TSHZ2: variants seen among roughly 807,000 people sequenced by gnomAD.
TSHZ2 encodes the protein teashirt zinc finger homeobox 2.
A neutral mutation model predicts 74.4 loss-of-function variants in TSHZ2; 21 were observed. The observed-to-expected ratio is 0.28, with a 90% CI of 0.20 to 0.41. TSHZ2 has a LOEUF of 0.41. TSHZ2 is among the 10% of genes least tolerant of loss of function. The pLI, the probability that TSHZ2 is intolerant of heterozygous loss-of-function variation, is 1.00. For missense variants in TSHZ2, 1,244 were observed against 1,293.5 expected (o/e 0.96, Z 0.59); for synonymous variants, 540 against 515.3 (o/e 1.05, Z -0.65).
chr20:53,166,388 T>G (rs1988063815), intron 1 of TSHZ2, among the ~76,000 whole-genome samples: 1 of 151,924 alleles, frequency 6.6e-6, no homozygotes, highest in South Asian at 2.1e-4. Context: ...AAGGCTGAGG[T>G]GGGAGGATTT....
intron 2 of TSHZ2, among the ~76,000 whole-genome samples, chr20:53,355,787 C>T (rs1980823288): frequency 7.0e-6 from 1 of 143,022 alleles, no homozygotes; most frequent in Non-Finnish European, 1.6e-5. Context: ...GTTAACAAAA[C>T]AAAAAGAAGG....
At chr20:53,355,828 T>C (rs114948159) in intron 2 of TSHZ2, among the ~76,000 whole-genome samples, 2,055 of 152,310 alleles carry the variant, frequency 0.013, 67 homozygotes, top group African/African-American at 0.047. Flanking sequence ...AAGAAAGGAT[T>C]TCCTAAGGAG....
rs16997948 is a variant in TSHZ2 at position 53,328,586 on chromosome 20, T to C, written c.*8+72015T>C. ...ATAATTGATTATTCAACATACAGAA[T>C]CAGTAGCAAAGCATTTTCTTGTCTA... On this transcript the variant is annotated intron_variant, in intron 2 of 2. Transcript: ENST00000371497. Among the ~76,000 whole-genome samples, 1,039 of 152,308 alleles carry C rather than the reference T, an allele frequency of 6.8e-3. 10 individuals carry two copies. The highest frequency in any genetic ancestry group is 0.024 in the African/African-American group (1,013 of 41,560).
chr20:53,366,551 G>A (rs115975369), intron 2 of TSHZ2, among the ~76,000 whole-genome samples: 2,394 of 152,236 alleles, frequency 0.016, 65 homozygotes, highest in African/African-American at 0.05. Flanking sequence ...GTGGAAAGCG[G>A]GTCAACCTCT....
At chr20:53,446,353 G>A (rs546251912) in intron 2 of TSHZ2, among the ~76,000 whole-genome samples, 1 of 150,638 alleles carries the variant, frequency 6.6e-6, no homozygotes, top group African/African-American at 2.4e-5. Context: ...CAAGAGGTCA[G>A]GAGATTGAGA....
intron 2 of TSHZ2, among the ~76,000 whole-genome samples, chr20:53,259,376 G>A (rs911998077): frequency 1.3e-5 from 2 of 152,076 alleles, no homozygotes; most frequent in Non-Finnish European, 2.9e-5. Context: ...GCAACTTTTC[G>A]TTAAAAATTT....
chr20:53,135,584 G>GT (rs1987226154), intron 1 of TSHZ2, among the ~76,000 whole-genome samples: 1 of 151,990 alleles, frequency 6.6e-6, no homozygotes, highest in Admixed American at 6.6e-5. Flanking sequence ...AAGTATGTTT[G>GT]TTTATTTTTA....
intron 1 of TSHZ2, among the ~76,000 whole-genome samples, chr20:53,042,364 C>T (rs950907281): frequency 6.6e-6 from 1 of 152,134 alleles, no homozygotes; most frequent in African/African-American, 2.4e-5. Flanking sequence ...TTTTTCTGAA[C>T]CTCCTACTCC....
intron 1 of TSHZ2, among the ~76,000 whole-genome samples, chr20:53,121,159 C>A (rs1671130257): frequency 6.6e-6 from 1 of 152,086 alleles, no homozygotes; most frequent in South Asian, 2.1e-4. Context: ...GTATTGTTTA[C>A]AGGTAGTTCT....
At chr20:53,303,693 A>C (rs576461922) in intron 2 of TSHZ2, among the ~76,000 whole-genome samples, 52 of 152,300 alleles carry the variant, frequency 3.4e-4, no homozygotes, top group African/African-American at 1.2e-3. Flanking sequence ...TCGACTACCT[A>C]GTTTCAATTA....
chr20:53,014,174 A>G (rs1274706934), intron 1 of TSHZ2, among the ~76,000 whole-genome samples: 2 of 150,228 alleles, frequency 1.3e-5, no homozygotes, highest in Non-Finnish European at 3.0e-5. Flanking sequence ...GGCCTGTAGA[A>G]GAAGCCATCT....
intron 2 of TSHZ2, among the ~76,000 whole-genome samples, chr20:53,289,330 G>C (rs867994830): frequency 6.6e-6 from 1 of 152,146 alleles, no homozygotes; most frequent in Non-Finnish European, 1.5e-5. Context: ...GGTAGATACC[G>C]AATAGTGGGA....
At chr20:53,060,068 C>T (rs749639076) in intron 1 of TSHZ2, among the ~76,000 whole-genome samples, 3 of 152,092 alleles carry the variant, frequency 2.0e-5, no homozygotes, top group Non-Finnish European at 2.9e-5. Context: ...TGTAGATTTG[C>T]GGCTTCTCTC....
At chr20:53,217,270 C>T (rs1335493014) in intron 1 of TSHZ2, among the ~76,000 whole-genome samples, 1 of 152,160 alleles carries the variant, frequency 6.6e-6, no homozygotes, top group Non-Finnish European at 1.5e-5. Context: ...TACCAGCGCC[C>T]TCTGCTGGTC....
At chr20:53,461,196 C>T (rs1196545724) in intron 2 of TSHZ2, among the ~76,000 whole-genome samples, 1 of 152,172 alleles carries the variant, frequency 6.6e-6, no homozygotes, top group Non-Finnish European at 1.5e-5. Context: ...CAGCGAGACT[C>T]CATGGGCGTA....
intron 1 of TSHZ2, among the ~76,000 whole-genome samples, chr20:52,991,128 G>A (rs974390528): frequency 1.3e-5 from 2 of 152,040 alleles, no homozygotes; most frequent in African/African-American, 4.8e-5. Context: ...GCATGATTTT[G>A]TGTGGATTAT....
chr20:53,334,012 A>G (rs537536428), intron 2 of TSHZ2, among the ~76,000 whole-genome samples: 7 of 152,366 alleles, frequency 4.6e-5, no homozygotes, highest in African/African-American at 1.7e-4. Context: ...ATTAGTGGCC[A>G]AAGTCTGTTG....
chr20:53,248,827 G>A (rs1014764355), intron 1 of TSHZ2, among the ~76,000 whole-genome samples: 1 of 152,066 alleles, frequency 6.6e-6, no homozygotes, highest in Admixed American at 6.6e-5. Context: ...GGGATGCTCT[G>A]GTATTATTTC....
At chr20:53,267,580 C>G (rs1990746693) in intron 2 of TSHZ2, among the ~76,000 whole-genome samples, 1 of 152,190 alleles carries the variant, frequency 6.6e-6, no homozygotes, top group South Asian at 2.1e-4. Flanking sequence ...AGCTTAGACC[C>G]TACACATGTG....
Sources: allele counts gnomAD v4.1 joint callset (sites outside exome capture counted in the v4.1 genomes callset), GRCh38; gene constraint gnomAD v4.1.1; transcripts MANE v1.5; gene names NCBI Gene and HGNC (gene_info 2026-07-23, HGNC 2026-07-21).